Variants in SPECC1L observed in about 807,000 individuals in gnomAD.
SPECC1L encodes sperm antigen with calponin homology and coiled-coil domains 1 like.
A neutral mutation model predicts 116.8 loss-of-function variants in SPECC1L; 40 were observed. The observed-to-expected ratio is 0.34, with a 90% confidence interval of 0.27 to 0.45. SPECC1L has a LOEUF of 0.45. Among genes scored for constraint, SPECC1L ranks in the 20% least tolerant of loss-of-function variants. SPECC1L has a pLI of 1.00. For synonymous variants in SPECC1L, 504 were observed against 500.6 expected, an observed-to-expected ratio of 1.01 and a Z score of -0.09; for missense variants, 1,110 against 1,373.6, an observed-to-expected ratio of 0.81 and a Z score of 3.03.
At chr22:24,334,202 T>TG (rs1318818225) in intron 8 of SPECC1L, among the ~76,000 whole-genome samples, 1 of 151,890 alleles carries the variant, frequency 6.6e-6, no homozygotes, top group Non-Finnish European at 1.5e-5. Flanking sequence ...TTAGTAGAGA[T>TG]GGGGTTTCAC....
chr22:24,327,277 C>CAAAAAAAAAAAAA (rs58725731), intron 6 of SPECC1L, among the ~76,000 whole-genome samples: 1 of 41,972 alleles, frequency 2.4e-5, no homozygotes, highest in Non-Finnish European at 4.8e-5. Context: ...GACTCCGTCT[C>CAAAAAAAAAAAAA]AAAAAAAAAA....
At chr22:24,305,785 A>G (rs2049481960) in intron 3 of SPECC1L, among the ~76,000 whole-genome samples, 2 of 151,770 alleles carry the variant, frequency 1.3e-5, no homozygotes, top group Admixed American at 1.3e-4. Context: ...ACCAGTTTAC[A>G]CTCCTGGTTA....
intron 2 of SPECC1L, among the ~76,000 whole-genome samples, chr22:24,287,430 C>G (rs569787279): frequency 2.6e-5 from 4 of 152,088 alleles, no homozygotes; most frequent in Non-Finnish European, 5.9e-5. Context: ...CCAGAGTTGT[C>G]CAGCTGGACT....
intron 13 of SPECC1L, 47 bp downstream of exon 13, chr22:24,365,679 C>G (rs2041748424): frequency 3.1e-6 from 5 of 1,599,300 alleles, no homozygotes; most frequent in Non-Finnish European, 3.4e-6. Flanking sequence ...CCTTTCCTGG[C>G]CTTTTGACAG....
At chr22:24,313,601 C>A in intron 4 of SPECC1L, 135 bp downstream of exon 4, 1 of 976,068 alleles carries the variant, frequency 1.0e-6, no homozygotes, top group Non-Finnish European at 1.6e-6. Flanking sequence ...TATTTCAGCC[C>A]AATACGCTCA....
intron 14 of SPECC1L, among the ~76,000 whole-genome samples, chr22:24,388,029 T>G (rs2042192570): frequency 6.6e-6 from 1 of 152,208 alleles, no homozygotes; most frequent in Non-Finnish European, 1.5e-5. Flanking sequence ...GTGATTTGAT[T>G]GGGTCCACCT....
At chr22:24,396,208 T>C (rs1236633423) in intron 14 of SPECC1L, among the ~76,000 whole-genome samples, 1 of 152,124 alleles carries the variant, frequency 6.6e-6, no homozygotes, top group Non-Finnish European at 1.5e-5. Context: ...TTGACACTTG[T>C]TGTGCACAAC....
At chr22:24,394,284 A>ATGG (rs2042326130) in intron 14 of SPECC1L, among the ~76,000 whole-genome samples, 1 of 152,222 alleles carries the variant, frequency 6.6e-6, no homozygotes, top group Non-Finnish European at 1.5e-5. Context: ...GGATGCCAGC[A>ATGG]TGGTGGGATT....
In SPECC1L at chr22:24,334,449, T is replaced by C; in HGVS notation, c.2436T>C (p.Asn812=). Residue 812 remains asparagine, a synonymous_variant, in exon 9 of 17, where the codon AAT becomes AAC. Coordinates refer to ENST00000314328, the MANE Select transcript of SPECC1L (RefSeq NM_015330.6). ...EERGRVYNYM[N]AVERDLAALR... Reference sequence around the variant, plus strand: ...GAGGCCGGGTATACAATTACATGAATGCCGTTGAGAGAGATTTGGCAGCCT... The same window carrying C: ...GAGGCCGGGTATACAATTACATGAACGCCGTTGAGAGAGATTTGGCAGCCT... 6.2e-7 allele frequency: 1 copy of C among 1,614,216 alleles called. No homozygotes were observed. The highest frequency in any genetic ancestry group is 1.1e-5 in the South Asian group (1 of 91,090).
chr22:24,285,897 C>T (rs1156407197), intron 2 of SPECC1L, among the ~76,000 whole-genome samples: 2 of 152,238 alleles, frequency 1.3e-5, no homozygotes, highest in African/African-American at 4.8e-5. Context: ...GCCTCAGCCT[C>T]CCAAAGTTCT....
At chr22:24,368,813 A>G (rs565614759) in intron 13 of SPECC1L, among the ~76,000 whole-genome samples, 24 of 152,170 alleles carry the variant, frequency 1.6e-4, no homozygotes, top group African/African-American at 5.5e-4. Context: ...TGCCCAGCTA[A>G]TTTTTATATT....
intron 11 of SPECC1L, among the ~76,000 whole-genome samples, chr22:24,349,382 C>T (rs2041373764): frequency 6.6e-6 from 1 of 152,136 alleles, no homozygotes; most frequent in East Asian, 1.9e-4. Flanking sequence ...GGAGGTGTGG[C>T]CCAGAGCTCA....
intron 14 of SPECC1L, among the ~76,000 whole-genome samples, chr22:24,396,602 A>T (rs1311815364): frequency 6.6e-6 from 1 of 152,170 alleles, no homozygotes; most frequent in Non-Finnish European, 1.5e-5. Context: ...AGCCTCAAAG[A>T]ACTTTCAAGA....
At chr22:24,297,582 G>C (rs1340645497) in intron 2 of SPECC1L, among the ~76,000 whole-genome samples, 3 of 152,084 alleles carry the variant, frequency 2.0e-5, no homozygotes, top group African/African-American at 7.2e-5. Context: ...CTGTTTCTCT[G>C]GAGAAAATAT....
chr22:24,278,266 T>C (rs1448241930), intron 2 of SPECC1L, among the ~76,000 whole-genome samples: 6 of 151,732 alleles, frequency 4.0e-5, no homozygotes, highest in Non-Finnish European at 7.4e-5. Context: ...GAGGCTGAGG[T>C]GGAAGGATTC....
At chr22:24,362,945 A>T (rs970997753) in intron 11 of SPECC1L, among the ~76,000 whole-genome samples, 1 of 152,234 alleles carries the variant, frequency 6.6e-6, no homozygotes, top group African/African-American at 2.4e-5. Flanking sequence ...GCGTAGACCT[A>T]GTTGCAGTAG....
At chr22:24,277,959 C>G (rs542706988) in intron 2 of SPECC1L, among the ~76,000 whole-genome samples, 52 of 152,242 alleles carry the variant, frequency 3.4e-4, no homozygotes, top group Middle Eastern at 3.2e-3. Context: ...TGAGAAACTG[C>G]TATAATGTTC....
intron 2 of SPECC1L, among the ~76,000 whole-genome samples, chr22:24,289,377 A>T (rs770168202): frequency 6.6e-6 from 1 of 152,210 alleles, no homozygotes; most frequent in East Asian, 1.9e-4. Flanking sequence ...TGTTGTCAGT[A>T]GTTTAACGTC....
At chr22:24,330,007 C>T (rs1453988316) in intron 7 of SPECC1L, among the ~76,000 whole-genome samples, 1 of 152,160 alleles carries the variant, frequency 6.6e-6, no homozygotes, top group African/African-American at 2.4e-5. Context: ...CTGTTGAGCA[C>T]TCTGAGTACT....
Sources: allele counts gnomAD v4.1 joint callset (sites outside exome capture counted in the v4.1 genomes callset), GRCh38; gene constraint gnomAD v4.1.1; transcripts MANE v1.5; gene names NCBI Gene and HGNC (gene_info 2026-07-23, HGNC 2026-07-21).